Variants in NUDCD1 observed in about 807,000 individuals in gnomAD.
NUDCD1 encodes nudC domain-containing protein 1.
NUDCD1 carries 60 observed loss-of-function variants against 67.8 expected under a neutral mutation model. That is an observed-to-expected ratio of 0.88 (90% confidence interval 0.72 to 1.10). NUDCD1 has a LOEUF of 1.10. Ranked by LOEUF, NUDCD1 falls within the 50% of genes least tolerant of loss-of-function variation. The pLI is 0.00. For synonymous variants in NUDCD1, 244 were observed against 230.8 expected (o/e 1.06, Z -0.52); for missense variants, 643 against 695.0 (o/e 0.93, Z 0.84).
At chr8:109,243,375 T>A in intron 9 of NUDCD1, 74 bp from the exon 10 acceptor site, 1 of 1,207,452 alleles carries the variant, frequency 8.3e-7, no homozygotes, top group South Asian at 1.7e-5. Flanking sequence ...ATTTAACATT[T>A]AATATTTTGC....
chr8:109,243,385 C>T, intron 9 of NUDCD1, 84 bp from the exon 10 acceptor site: 2 of 1,134,696 alleles, frequency 1.8e-6, no homozygotes, highest in Non-Finnish European at 2.5e-6. Flanking sequence ...TAATATTTTG[C>T]AATGTTTATT....
At chr8:109,313,891 A>T in intron 2 of NUDCD1, 5 of 765,662 alleles carry the variant, frequency 6.5e-6, no homozygotes, top group Non-Finnish European at 9.7e-6. Flanking sequence ...TTGAGTATCT[A>T]AATGTGAAAA....
intron 2 of NUDCD1, among the ~76,000 whole-genome samples, chr8:109,306,637 C>A (rs563897536): frequency 1.3e-5 from 2 of 151,746 alleles, no homozygotes; most frequent in African/African-American, 4.8e-5. Flanking sequence ...TTGAACCCCC[C>A]CCACCCCCGG....
intron 5 of NUDCD1, 61 bp downstream of exon 5, chr8:109,289,690 T>A (rs1310417895): frequency 3.4e-6 from 3 of 870,286 alleles, no homozygotes; most frequent in Non-Finnish European, 5.3e-6. Flanking sequence ...ACTGGGAAAA[T>A]AAAAGACATA....
At chr8:109,307,607 A>C (rs1384786058) in intron 2 of NUDCD1, among the ~76,000 whole-genome samples, 3 of 152,246 alleles carry the variant, frequency 2.0e-5, no homozygotes, top group Non-Finnish European at 4.4e-5. Flanking sequence ...GGCAACAAAG[A>C]GCATGATGAC....
rs573918214 is a variant in NUDCD1, at chr8:109,295,928, G to A, written c.459+456C>T. Among the ~76,000 whole-genome samples the A allele has an allele frequency of 4.7e-4, 71 of 152,056 alleles. 1 individual carries two copies. The highest frequency in any genetic ancestry group is 6.8e-3 in the Middle Eastern group (2 of 292). ...AAGTAAAAATGTTGTCTTGGAAATTGGCATATAACTATATATTTATATCAT... is the reference window on the plus strand; with the variant it reads ...AAGTAAAAATGTTGTCTTGGAAATTAGCATATAACTATATATTTATATCAT... On this transcript the variant is annotated intron_variant, in intron 3 of 9. Transcript: ENST00000239690.
intron 2 of NUDCD1, among the ~76,000 whole-genome samples, chr8:109,309,407 G>T (rs1815187112): frequency 6.6e-6 from 1 of 152,070 alleles, no homozygotes; most frequent in South Asian, 2.1e-4. Flanking sequence ...ACAAAATCCA[G>T]CATCCCTCTA....
intron 9 of NUDCD1, 130 bp from the exon 10 acceptor site, chr8:109,243,431 A>T: frequency 2.0e-5 from 13 of 654,814 alleles, no homozygotes; most frequent in South Asian, 5.4e-5. Flanking sequence ...ATATACCATA[A>T]GGTATATAAT....
Position 109,334,066 on chromosome 8 carries a change from C to T in NUDCD1, c.-56G>A, listed in dbSNP as rs1013887431. 1 of 1,609,068 alleles carries T rather than the reference C, an allele frequency of 6.2e-7. No homozygotes were observed. Among genetic ancestry groups the T allele is most frequent in the East Asian group, 2.2e-5 (1 of 44,814 alleles). On this transcript the variant is annotated 5_prime_UTR_variant, in exon 1 of 10. Coordinates refer to ENST00000239690, the MANE Select transcript of NUDCD1 (RefSeq NM_032869.4). Reference sequence around the variant, plus strand: ...TAAAGCCCTTGTTGAAAGGTCCGCGCTTCACGCCTCGCACAGAGACTGGGA... The same window carrying T: ...TAAAGCCCTTGTTGAAAGGTCCGCGTTTCACGCCTCGCACAGAGACTGGGA...
At chr8:109,323,823 T>C (rs1563685868) in intron 1 of NUDCD1, among the ~76,000 whole-genome samples, 1 of 152,226 alleles carries the variant, frequency 6.6e-6, no homozygotes, top group East Asian at 1.9e-4. Flanking sequence ...GCAAAGAACA[T>C]ACACTGGGAA....
At chr8:109,280,885 T>C in intron 6 of NUDCD1, 83 bp downstream of exon 6, 1 of 616,272 alleles carries the variant, frequency 1.6e-6, no homozygotes. Context: ...ATTGTATTAA[T>C]CTCTGATGTA....
intron 2 of NUDCD1, among the ~76,000 whole-genome samples, chr8:109,321,362 T>C (rs1195742464): frequency 6.6e-6 from 1 of 152,334 alleles, no homozygotes; most frequent in Non-Finnish European, 1.5e-5. Flanking sequence ...AGTTTTCACA[T>C]TGTTTTTAAA....
chr8:109,332,409 G>A (rs1346769303), intron 1 of NUDCD1, among the ~76,000 whole-genome samples: 1 of 152,178 alleles, frequency 6.6e-6, no homozygotes, highest in East Asian at 1.9e-4. Context: ...AGTGTCTCTT[G>A]GTACCAACCT....
At chr8:109,306,398 A>T (rs1815104260) in intron 2 of NUDCD1, among the ~76,000 whole-genome samples, 1 of 151,994 alleles carries the variant, frequency 6.6e-6, no homozygotes, top group South Asian at 2.1e-4. Context: ...ACTCTCTCCT[A>T]GCCGTTTCTA....
chr8:109,264,949 CTTAA>C (rs1339183553), intron 8 of NUDCD1, among the ~76,000 whole-genome samples: 1 of 150,324 alleles, frequency 6.7e-6, no homozygotes, highest in Non-Finnish European at 1.5e-5. Flanking sequence ...TAAAAAAATT[CTTAA>C]TTTCTAATAT....
intron 2 of NUDCD1, among the ~76,000 whole-genome samples, chr8:109,300,473 T>C (rs1036907916): frequency 2.0e-5 from 3 of 151,908 alleles, no homozygotes; most frequent in Non-Finnish European, 4.4e-5. Flanking sequence ...GTCTCAGCAA[T>C]AGAATCAAAC....
intron 2 of NUDCD1, among the ~76,000 whole-genome samples, chr8:109,313,261 T>A (rs1218487514): frequency 6.6e-6 from 1 of 152,100 alleles, no homozygotes; most frequent in Admixed American, 6.5e-5. Context: ...AGGCAAATGG[T>A]TAACTATGGA....
intron 6 of NUDCD1, among the ~76,000 whole-genome samples, chr8:109,275,742 G>A (rs1814270904): frequency 6.6e-6 from 1 of 152,150 alleles, no homozygotes; most frequent in African/African-American, 2.4e-5. Flanking sequence ...ATGGCCTGAA[G>A]AGAGGATTGC....
chr8:109,307,067 A>G (rs1045034913), intron 2 of NUDCD1, among the ~76,000 whole-genome samples: 1 of 152,134 alleles, frequency 6.6e-6, no homozygotes, highest in Non-Finnish European at 1.5e-5. Flanking sequence ...AAGCCATCAT[A>G]TCCCCTGTGA....
Sources: allele counts gnomAD v4.1 joint callset (sites outside exome capture counted in the v4.1 genomes callset), GRCh38; gene constraint gnomAD v4.1.1; transcripts MANE v1.5; gene names NCBI Gene and HGNC (gene_info 2026-07-23, HGNC 2026-07-21).